OTUD7A: variants seen among roughly 807,000 people sequenced by gnomAD.
OTUD7A encodes OTU deubiquitinase 7A, also known as OTU domain-containing protein 7A.
In OTUD7A, 12 loss-of-function variants were observed where a neutral mutation model predicts 65.7. The observed-to-expected ratio is 0.18, with a 90% confidence interval of 0.12 to 0.30. The LOEUF is 0.30. Ranked by LOEUF, OTUD7A falls within the 10% of genes least tolerant of loss-of-function variation. OTUD7A has a pLI of 1.00. For synonymous variants in OTUD7A, 641 were observed against 586.3 expected (o/e 1.09, Z -1.35); for missense variants, 1,148 against 1,304.8 (o/e 0.88, Z 1.85).
At chr15:31,726,430 T>A (rs1420532269) in intron 1 of OTUD7A, among the ~76,000 whole-genome samples, 3 of 150,820 alleles carry the variant, frequency 2.0e-5, no homozygotes, top group Admixed American at 1.3e-4. Context: ...AATTTCATAA[T>A]TAAAAAAAAA....
At chr15:31,862,662 C>T (rs532511776) in intron 1 of OTUD7A, among the ~76,000 whole-genome samples, 2 of 121,752 alleles carry the variant, frequency 1.6e-5, no homozygotes, top group South Asian at 4.8e-4. Context: ...ATTCAATAAC[C>T]TCCCCCTGAG....
chr15:31,858,829 G>C (rs1397967609), intron 1 of OTUD7A, among the ~76,000 whole-genome samples: 2 of 152,198 alleles, frequency 1.3e-5, no homozygotes, highest in Non-Finnish European at 1.5e-5. Flanking sequence ...AAATGTCAGG[G>C]AGGCAGTGGT....
intron 3 of OTUD7A, among the ~76,000 whole-genome samples, chr15:31,605,283 T>C (rs1428243105): frequency 2.0e-5 from 3 of 152,096 alleles, no homozygotes; most frequent in Non-Finnish European, 4.4e-5. Flanking sequence ...TCTCCATCAT[T>C]CTGGCTCCCT....
chr15:31,773,805 T>C (rs2140916600), intron 1 of OTUD7A, among the ~76,000 whole-genome samples: 1 of 152,324 alleles, frequency 6.6e-6, no homozygotes, highest in Middle Eastern at 3.4e-3. Context: ...CAGATGCTTA[T>C]GTAAATGCTC....
intron 1 of OTUD7A, among the ~76,000 whole-genome samples, chr15:31,798,499 C>T (rs1174140092): frequency 6.6e-6 from 1 of 152,172 alleles, no homozygotes; most frequent in Non-Finnish European, 1.5e-5. Context: ...CAAGGCAGCT[C>T]TGGCACTGAC....
At chr15:31,799,517 A>T (rs973293440) in intron 1 of OTUD7A, among the ~76,000 whole-genome samples, 6 of 152,112 alleles carry the variant, frequency 3.9e-5, no homozygotes, top group Non-Finnish European at 5.9e-5. Flanking sequence ...TAGTGCTCTT[A>T]TAAGAAGAGA....
At chr15:31,794,757 C>G (rs1895909023) in intron 1 of OTUD7A, among the ~76,000 whole-genome samples, 1 of 152,198 alleles carries the variant, frequency 6.6e-6, no homozygotes, top group South Asian at 2.1e-4. Context: ...CTGGGCCCAC[C>G]TGGGCTCCTC....
intron 1 of OTUD7A, among the ~76,000 whole-genome samples, chr15:31,759,358 C>A (rs904982705): frequency 2.6e-5 from 4 of 152,216 alleles, no homozygotes; most frequent in African/African-American, 4.8e-5. Context: ...TTGGCACCTA[C>A]CCCAAAGAGA....
chr15:31,821,440 A>G (rs1171812085), intron 1 of OTUD7A, among the ~76,000 whole-genome samples: 1 of 151,350 alleles, frequency 6.6e-6, no homozygotes, highest in Admixed American at 6.6e-5. Context: ...CACTGAGCCC[A>G]GCCCAGTTTT....
chr15:31,761,260 G>A lies in OTUD7A; in HGVS notation c.-99-104183C>T, dbSNP rs184239304. 5.7e-3 allele frequency among the ~76,000 whole-genome samples: 860 copies of A among 152,196 alleles called. 4 individuals are homozygous for A. The highest frequency in any genetic ancestry group is 8.9e-3 in the Non-Finnish European group (603 of 67,990). On this transcript the variant is annotated intron_variant, in intron 1 of 12. Transcript: ENST00000307050. ...AATATGGAAAGGCAACCTACAGAATGGGAGAAAATATTTGCACAATGTACA... is the reference window on the plus strand; with the variant it reads ...AATATGGAAAGGCAACCTACAGAATAGGAGAAAATATTTGCACAATGTACA...
chr15:31,762,113 T>C (rs1247953933), intron 1 of OTUD7A, among the ~76,000 whole-genome samples: 1 of 152,224 alleles, frequency 6.6e-6, no homozygotes, highest in African/African-American at 2.4e-5. Flanking sequence ...ATCAATAAAC[T>C]GTACTTTTAG....
At chr15:31,775,655 G>A (rs1183404002) in intron 1 of OTUD7A, among the ~76,000 whole-genome samples, 2 of 152,186 alleles carry the variant, frequency 1.3e-5, no homozygotes, top group Non-Finnish European at 2.9e-5. Flanking sequence ...TCCCCACAGA[G>A]GATACTACTC....
At chr15:31,860,807 G>A (rs915398136) in intron 1 of OTUD7A, among the ~76,000 whole-genome samples, 3 of 147,900 alleles carry the variant, frequency 2.0e-5, no homozygotes, top group Non-Finnish European at 3.0e-5. Flanking sequence ...CTGGGTTCAC[G>A]CCATTCTCTT....
chr15:31,651,640 G>A (rs1445332150), intron 3 of OTUD7A, among the ~76,000 whole-genome samples: 1 of 150,666 alleles, frequency 6.6e-6, no homozygotes, highest in Non-Finnish European at 1.5e-5. Context: ...AACAAACTGA[G>A]TTTAGCTTTA....
chr15:31,822,709 T>C (rs1896713428), intron 1 of OTUD7A, among the ~76,000 whole-genome samples: 2 of 152,148 alleles, frequency 1.3e-5, no homozygotes, highest in Admixed American at 6.5e-5. Context: ...AGATCAGCAA[T>C]TGTAGAGCCT....
chr15:31,572,175 T>A (rs1398290024), intron 3 of OTUD7A, among the ~76,000 whole-genome samples: 1 of 152,226 alleles, frequency 6.6e-6, no homozygotes, highest in East Asian at 1.9e-4. Flanking sequence ...TTCTATATGT[T>A]CAGAATTCTA....
intron 9 of OTUD7A, 61 bp from the exon 10 acceptor site, chr15:31,501,900 C>A: frequency 6.5e-7 from 1 of 1,530,474 alleles, no homozygotes; most frequent in Non-Finnish European, 8.9e-7. Flanking sequence ...GGAGGGGAGG[C>A]CCCTGCATCC....
chr15:31,591,456 A>G (rs1889721985), intron 3 of OTUD7A, among the ~76,000 whole-genome samples: 1 of 152,188 alleles, frequency 6.6e-6, no homozygotes, highest in African/African-American at 2.4e-5. Context: ...GCCCTCCCCA[A>G]CATGGATGGG....
intron 1 of OTUD7A, among the ~76,000 whole-genome samples, chr15:31,764,882 A>G (rs941423354): frequency 3.9e-5 from 6 of 152,158 alleles, no homozygotes; most frequent in African/African-American, 7.2e-5. Context: ...CTTTAGCTGA[A>G]TGATTCTATA....
Sources: allele counts gnomAD v4.1 joint callset (sites outside exome capture counted in the v4.1 genomes callset), GRCh38; gene constraint gnomAD v4.1.1; transcripts MANE v1.5; gene names NCBI Gene and HGNC (gene_info 2026-07-23, HGNC 2026-07-21).